The following ERBIN variants were observed in gnomAD, a reference collection of about 807,000 sequenced individuals.
ERBIN encodes erbb2 interacting protein, also known as densin-180-like protein.
ERBIN carries 60 observed loss-of-function variants against 158.4 expected under a neutral mutation model. The observed-to-expected ratio is 0.38, with a 90% CI of 0.31 to 0.47. The LOEUF is 0.47. Among genes scored for constraint, ERBIN ranks in the 20% least tolerant of loss-of-function variants. ERBIN has a pLI of 0.99. For synonymous variants in ERBIN, 594 were observed against 557.2 expected, an observed-to-expected ratio of 1.07 and a Z score of -0.93; for missense variants, 1,610 against 1,648.0, an observed-to-expected ratio of 0.98 and a Z score of 0.40.
chr5:66,032,232 A>G (rs1756963159), intron 14 of ERBIN, among the ~76,000 whole-genome samples: 1 of 152,212 alleles, frequency 6.6e-6, no homozygotes, highest in South Asian at 2.1e-4. Context: ...AGGAACCTGT[A>G]TTATATCTCA....
chr5:66,055,969 A>G (rs932875171), intron 21 of ERBIN, among the ~76,000 whole-genome samples: 1 of 152,112 alleles, frequency 6.6e-6, no homozygotes. Context: ...ATTCTCATCT[A>G]TGCATTTTAT....
chr5:66,064,571 A>C (rs1454839204), intron 21 of ERBIN, among the ~76,000 whole-genome samples: 1 of 152,214 alleles, frequency 6.6e-6, no homozygotes, highest in Non-Finnish European at 1.5e-5. Context: ...AAGAATTTCA[A>C]GTTGACACAA....
At chr5:65,995,240 C>T (rs1238039760) in intron 4 of ERBIN, among the ~76,000 whole-genome samples, 1 of 152,092 alleles carries the variant, frequency 6.6e-6, no homozygotes, top group Non-Finnish European at 1.5e-5. Flanking sequence ...TCCTGTCAAA[C>T]TGAAATCTTA....
intron 12 of ERBIN, 91 bp downstream of exon 12, chr5:66,026,068 T>G: frequency 8.7e-7 from 1 of 1,152,408 alleles, no homozygotes; most frequent in Non-Finnish European, 1.2e-6. Flanking sequence ...TCATTTATTT[T>G]CTTTCTAAAA....
chr5:65,930,160 A>C (rs961642603), intron 1 of ERBIN, among the ~76,000 whole-genome samples: 1 of 152,090 alleles, frequency 6.6e-6, no homozygotes, highest in Non-Finnish European at 1.5e-5. Context: ...CTGTTAGTCT[A>C]TGTTTATCAC....
rs1755651026 is a variant in ERBIN at position 66,021,252 on chromosome 5, A to G, written c.534-70A>G. The G allele has an allele frequency of 1.2e-5, 11 of 912,672 alleles. No homozygotes were observed. The East Asian group carries it at 2.7e-4, about 22-fold the overall frequency. The allele number at this position is 912,672 out of a possible 1,614,324, so 56.5% of individuals were successfully genotyped here. ...ATTACCTATTCCATAAGAATGTTTT[A>G]GACTGTTTTGAAAGCTTCCATGTAA... On this transcript the variant is annotated intron_variant, in intron 7 of 25. Coordinates refer to ENST00000284037, the MANE Select transcript of ERBIN (RefSeq NM_001253697.2).
chr5:66,074,880 GA>G (rs1435559985), intron 22 of ERBIN, 143 bp from the exon 23 acceptor site: 2 of 680,610 alleles, frequency 2.9e-6, no homozygotes, highest in African/African-American at 3.6e-5. Context: ...TAAAATTATA[GA>G]AAAATAGTAA....
intron 1 of ERBIN, among the ~76,000 whole-genome samples, chr5:65,942,644 G>A (rs1025100179): frequency 3.9e-5 from 6 of 152,196 alleles, no homozygotes; most frequent in African/African-American, 1.4e-4. Context: ...TAGACTTAAG[G>A]CTGGGTGCAG....
rs556370004 is a variant in ERBIN at position 66,076,777 on chromosome 5, A to T, written c.4057-98A>T. On this transcript the variant is annotated intron_variant, in intron 24 of 25. Coordinates refer to ENST00000284037, the MANE Select transcript of ERBIN (RefSeq NM_001253697.2). ...AGTCAGGGAGAAAACTTGTACCATGATTCAAATATTTGCATGGTGTGGAGG... is the reference window on the plus strand; with the variant it reads ...AGTCAGGGAGAAAACTTGTACCATGTTTCAAATATTTGCATGGTGTGGAGG... 32 of 836,218 alleles carry T rather than the reference A, an allele frequency of 3.8e-5. No individual in the cohort carries two copies. In the African/African-American group the frequency reaches 4.7e-4, roughly 12 times the overall value. The allele number at this position is 836,218 out of a possible 1,614,324, so 51.8% of individuals were successfully genotyped here.
chr5:65,929,312 T>G (rs1743067689), intron 1 of ERBIN, among the ~76,000 whole-genome samples: 1 of 152,212 alleles, frequency 6.6e-6, no homozygotes, highest in East Asian at 1.9e-4. Flanking sequence ...AGGTGTATAT[T>G]TCAAAATTAC....
intron 4 of ERBIN, among the ~76,000 whole-genome samples, chr5:66,009,815 A>G (rs1754017189): frequency 6.6e-6 from 1 of 152,150 alleles, no homozygotes; most frequent in African/African-American, 2.4e-5. Flanking sequence ...ACTTTTTTCC[A>G]TTCAAAAGGG....
In ERBIN at chr5:66,079,700, G is replaced by A. The variant is rs1015728476; in HGVS notation, c.*1170G>A. 1 of 152,550 alleles carries A rather than the reference G, an allele frequency of 6.6e-6. No individual in the cohort carries two copies. The highest frequency in any genetic ancestry group is 2.4e-5 in the African/African-American group (1 of 41,418). 9.4% of individuals were successfully genotyped at this position (152,550 alleles called of 1,614,324 possible). A position where few individuals can be genotyped will look rare whatever the true frequency, so the allele number is the denominator to read the frequency against. On this transcript the variant is annotated 3_prime_UTR_variant, in exon 26 of 26. Transcript: ENST00000284037. ...GGATGGGTCCTTGAGGCCTGCCAGT[G>A]TGTAAAGGTGTTCAAATAAAGGGCT... is the stretch of plus-strand genomic sequence containing the variant.
chr5:65,927,797 A>G (rs1435925668), intron 1 of ERBIN, among the ~76,000 whole-genome samples: 2 of 152,232 alleles, frequency 1.3e-5, no homozygotes, highest in Admixed American at 6.5e-5. Context: ...CATGGCAGAC[A>G]TTCCACCAGT....
At chr5:66,025,330 A>G (rs2151151446) in intron 10 of ERBIN, 150 bp from the exon 11 acceptor site, 1 of 674,794 alleles carries the variant, frequency 1.5e-6, no homozygotes, top group South Asian at 1.6e-5. Context: ...GGAATAGAAC[A>G]TTGGGATTGG....
intron 21 of ERBIN, among the ~76,000 whole-genome samples, chr5:66,057,134 G>A (rs747375586): frequency 6.6e-6 from 1 of 152,072 alleles, no homozygotes; most frequent in East Asian, 1.9e-4. Context: ...TTTTTAAAAA[G>A]CATTTAGAGA....
Position 66,076,547 on chromosome 5 carries a change from C to G in ERBIN, c.4056+139C>G, listed in dbSNP as rs1762002910. On this transcript the variant is annotated intron_variant, in intron 24 of 25. Transcript: ENST00000284037. The stretch of plus-strand genomic sequence containing the variant: ...CTGGATTCCCCACTCTATTGCTTAC[C>G]TTTTTGTTTTGTAATTTGATCAGTT... 7 of 712,312 alleles carry G rather than the reference C, an allele frequency of 9.8e-6. No individual in the cohort carries two copies. In the East Asian group the frequency reaches 1.9e-4, roughly 19 times the overall value. The allele number at this position is 712,312 out of a possible 1,614,324, so 44.1% of individuals were successfully genotyped here. A position where few individuals can be genotyped will look rare whatever the true frequency, so the allele number is the denominator to read the frequency against.
intron 1 of ERBIN, among the ~76,000 whole-genome samples, chr5:65,956,975 C>T (rs1454827187): frequency 6.6e-6 from 1 of 151,050 alleles, no homozygotes; most frequent in Non-Finnish European, 1.5e-5. Flanking sequence ...AACCATGCTG[C>T]TATTTGTGTA....
At chr5:65,989,301 C>G (rs1751606746) in intron 2 of ERBIN, among the ~76,000 whole-genome samples, 1 of 152,210 alleles carries the variant, frequency 6.6e-6, no homozygotes, top group African/African-American at 2.4e-5. Flanking sequence ...AATTAAGGTT[C>G]TCAGCCTTTC....
chr5:65,993,487 T>TC (rs1752102376), intron 3 of ERBIN, among the ~76,000 whole-genome samples: 2 of 152,232 alleles, frequency 1.3e-5, no homozygotes, highest in Non-Finnish European at 2.9e-5. Flanking sequence ...TGTTTTTTTT[T>TC]CACTAAACTT....
Sources: gnomAD v4.1 joint callset for allele counts (sites outside exome capture counted in the v4.1 genomes callset) on GRCh38, gnomAD v4.1.1 for gene constraint, MANE v1.5 for transcripts, NCBI Gene and HGNC (gene_info 2026-07-23, HGNC 2026-07-21) for gene names.